Variants in SOX6 observed in about 807,000 individuals in gnomAD.
The protein encoded by SOX6 is SRY-box transcription factor 6.
SOX6 carries 11 observed loss-of-function variants against 97.8 expected under a neutral mutation model. The observed-to-expected ratio is 0.11, with a 90% CI of 0.07 to 0.19. The LOEUF (loss-of-function observed/expected upper bound fraction) is 0.19, where lower values mean the gene tolerates loss of function less well. Ranked by LOEUF, SOX6 falls within the 10% of genes least tolerant of loss-of-function variation. The probability of loss-of-function intolerance (pLI) is 1.00; values close to 1 mark genes in which losing one functional copy is unlikely to be tolerated. For missense variants in SOX6, 810 were observed against 1,039.5 expected (o/e 0.78, Z 3.04); for synonymous variants, 360 against 371.4 (o/e 0.97, Z 0.35).
intron 1 of SOX6, among the ~76,000 whole-genome samples, chr11:16,349,796 C>A (rs1242417627): frequency 6.6e-6 from 1 of 151,670 alleles, no homozygotes; most frequent in Non-Finnish European, 1.5e-5. Flanking sequence ...GAAAATATTT[C>A]CTACAGCTAA....
intron 9 of SOX6, among the ~76,000 whole-genome samples, chr11:16,095,116 G>A (rs1473442078): frequency 6.6e-6 from 1 of 151,788 alleles, no homozygotes; most frequent in Non-Finnish European, 1.5e-5. Flanking sequence ...TCCTAGGTTG[G>A]ACTATAAAAT....
intron 2 of SOX6, among the ~76,000 whole-genome samples, chr11:16,720,539 G>GT (rs1378270855): frequency 3.8e-4 from 46 of 121,342 alleles, no homozygotes; most frequent in Admixed American, 1.1e-3. Context: ...TCTGGGGCCT[G>GT]TTGTGGGGTG....
At chr11:16,504,729 C>T (rs141333848) in intron 4 of SOX6, among the ~76,000 whole-genome samples, 45 of 152,088 alleles carry the variant, frequency 3.0e-4, no homozygotes, top group African/African-American at 1.1e-3. Flanking sequence ...GGAGAAAAGG[C>T]CTGGTGGGAG....
chr11:16,133,906 C>T (rs1366247751), intron 6 of SOX6, among the ~76,000 whole-genome samples: 2 of 152,076 alleles, frequency 1.3e-5, no homozygotes, highest in Non-Finnish European at 2.9e-5. Context: ...AGGCTGGTCC[C>T]GAACTCCTGA....
intron 6 of SOX6, among the ~76,000 whole-genome samples, chr11:16,149,660 C>T (rs889981971): frequency 1.3e-5 from 2 of 152,252 alleles, no homozygotes; most frequent in Middle Eastern, 3.4e-3. Context: ...CTATAGAATA[C>T]TTATGTCAAT....
intron 13 of SOX6, among the ~76,000 whole-genome samples, chr11:15,991,392 T>C (rs1330062977): frequency 1.3e-5 from 2 of 152,210 alleles, no homozygotes; most frequent in South Asian, 2.1e-4. Flanking sequence ...GATGAAGGCA[T>C]ACATTACTCT....
chr11:16,166,952 C>A (rs1297088103), intron 6 of SOX6, among the ~76,000 whole-genome samples: 1 of 152,048 alleles, frequency 6.6e-6, no homozygotes, highest in African/African-American at 2.4e-5. Flanking sequence ...TATGGAGGGC[C>A]ATGAACATTA....
At chr11:16,442,329 A>C (rs1289939950) in intron 1 of SOX6, among the ~76,000 whole-genome samples, 1 of 152,176 alleles carries the variant, frequency 6.6e-6, no homozygotes, top group African/African-American at 2.4e-5. Context: ...TGAAAGAAGA[A>C]AAATTAAATA....
intron 4 of SOX6, among the ~76,000 whole-genome samples, chr11:16,497,816 G>A (rs564217630): frequency 4.1e-4 from 63 of 152,216 alleles, no homozygotes; most frequent in Non-Finnish European, 6.0e-4. Context: ...ATGGGACTAT[G>A]TGAAAAGACC....
chr11:16,523,365 C>A (rs1216762678), intron 4 of SOX6, among the ~76,000 whole-genome samples: 2 of 152,154 alleles, frequency 1.3e-5, no homozygotes, highest in South Asian at 2.1e-4. Context: ...AACTGAACAA[C>A]CTGCTCCTGA....
chr11:16,612,982 C>CGTTT (rs1848417990), intron 3 of SOX6: 1 of 152,384 alleles, frequency 6.6e-6, no homozygotes, highest in Non-Finnish European at 1.5e-5. Context: ...ATTTCCCCCC[C>CGTTT]ACGATTGAAT....
At chr11:16,466,639 AAAC>A (rs1244441780) in intron 1 of SOX6, among the ~76,000 whole-genome samples, 1 of 151,086 alleles carries the variant, frequency 6.6e-6, no homozygotes, top group Non-Finnish European at 1.5e-5. Flanking sequence ...AAAAAAAAAC[AAAC>A]AACTCCGGCC....
chr11:16,172,582 G>A (rs1195486692), intron 6 of SOX6, among the ~76,000 whole-genome samples: 2 of 151,988 alleles, frequency 1.3e-5, no homozygotes, highest in East Asian at 1.9e-4. Context: ...AAGAGGACAC[G>A]TCTTATGCTA....
chr11:16,522,553 T>C (rs1335838899), intron 4 of SOX6, among the ~76,000 whole-genome samples: 2 of 150,022 alleles, frequency 1.3e-5, no homozygotes, highest in East Asian at 4.0e-4. Context: ...CCATCGAGAC[T>C]AGGAAGAAAC....
intron 3 of SOX6, among the ~76,000 whole-genome samples, chr11:16,616,227 A>G (rs1406340711): frequency 1.3e-5 from 2 of 152,114 alleles, no homozygotes; most frequent in Non-Finnish European, 2.9e-5. Context: ...GATCCTTTCC[A>G]ATACCTAATA....
intron 1 of SOX6, among the ~76,000 whole-genome samples, chr11:16,397,024 T>C (rs1858378736): frequency 6.6e-6 from 1 of 151,378 alleles, no homozygotes. Flanking sequence ...GGAAAACACC[T>C]CACTGAATCT....
At chr11:16,083,414 T>C (rs1040397996) in intron 9 of SOX6, among the ~76,000 whole-genome samples, 6 of 152,192 alleles carry the variant, frequency 3.9e-5, no homozygotes, top group Admixed American at 6.5e-5. Flanking sequence ...TGTAACAGGG[T>C]CTTACACTTT....
At chr11:16,229,831 A>T (rs1373379160) in intron 4 of SOX6, among the ~76,000 whole-genome samples, 3 of 151,942 alleles carry the variant, frequency 2.0e-5, no homozygotes, top group Non-Finnish European at 4.4e-5. Context: ...TCAAGGAATA[A>T]GTAGTTCATG....
intron 3 of SOX6, among the ~76,000 whole-genome samples, chr11:16,235,186 A>G (rs1440582906): frequency 6.6e-6 from 1 of 152,082 alleles, no homozygotes; most frequent in Non-Finnish European, 1.5e-5. Context: ...AAACAAGAAG[A>G]AAATGAAATT....
Sources: allele counts gnomAD v4.1 joint callset (sites outside exome capture counted in the v4.1 genomes callset), GRCh38; gene constraint gnomAD v4.1.1; transcripts MANE v1.5; gene names NCBI Gene and HGNC (gene_info 2026-07-23, HGNC 2026-07-21).